The following SEL1L3 variants were observed in gnomAD, a reference collection of about 807,000 sequenced individuals.
The protein encoded by SEL1L3 is protein sel-1 homolog 3.
SEL1L3 carries 76 observed loss-of-function variants against 142.8 expected under a neutral mutation model. The ratio of observed to expected loss-of-function variants is 0.53; its 90% CI spans 0.44 to 0.64. The LOEUF is 0.64. Among genes scored for constraint, SEL1L3 ranks in the 30% least tolerant of loss-of-function variants. The probability of loss-of-function intolerance (pLI) is 0.00; values close to 1 mark genes in which losing one functional copy is unlikely to be tolerated. For missense variants in SEL1L3, 1,262 were observed against 1,381.7 expected, an observed-to-expected ratio of 0.91 and a Z score of 1.37; for synonymous variants, 504 against 519.6, an observed-to-expected ratio of 0.97 and a Z score of 0.41.
rs1713433706 is a variant in SEL1L3, at chr4:25,804,686, C to T, written c.1631G>A (p.Arg544Lys). The change falls in exon 10 of 24, where the codon AGA (arginine) becomes AAA (lysine). Residue 544 changes from arginine to lysine, a missense_variant. This residue lies in a region of SEL1L3 where 689 missense variants were observed against 692.8 expected (regional missense o/e 0.99). Coordinates refer to ENST00000399878, the MANE Select transcript of SEL1L3 (RefSeq NM_015187.5). ...GGKIFEKAVK[R>K]LSSIDGLHQI... ...GTGAAGACCATCAATGCTAGAGAGT[C>T]TCTTTACAGCCTTCTCAAATATCTT... 4 of 1,613,916 alleles carry T rather than the reference C, an allele frequency of 2.5e-6. No homozygotes were observed. Among genetic ancestry groups the T allele is most frequent in the Non-Finnish European group, 3.4e-6 (4 of 1,179,800 alleles).
intron 9 of SEL1L3, among the ~76,000 whole-genome samples, chr4:25,815,868 G>GT (rs1023322385): frequency 2.3e-5 from 2 of 85,738 alleles, no homozygotes; most frequent in Admixed American, 1.5e-4. Context: ...GAGGGATATT[G>GT]GGGGGGGTGC....
chr4:25,792,403 G>A (rs767610611), intron 11 of SEL1L3, among the ~76,000 whole-genome samples: 1 of 152,160 alleles, frequency 6.6e-6, no homozygotes, highest in Non-Finnish European at 1.5e-5. Context: ...CTAGTGAGAA[G>A]GTGCTGAAAT....
intron 17 of SEL1L3, among the ~76,000 whole-genome samples, chr4:25,771,431 T>C (rs1353958479): frequency 6.6e-6 from 1 of 152,244 alleles, no homozygotes; most frequent in Non-Finnish European, 1.5e-5. Context: ...TTTATAATGA[T>C]ACATCTTAAT....
intron 23 of SEL1L3, among the ~76,000 whole-genome samples, chr4:25,749,974 C>G (rs1344670899): frequency 6.6e-6 from 1 of 152,220 alleles, no homozygotes; most frequent in Non-Finnish European, 1.5e-5. Context: ...TGGCTCACGC[C>G]TGTAATCCCA....
chr4:25,809,624 G>C (rs927763517), intron 9 of SEL1L3, among the ~76,000 whole-genome samples: 1 of 151,838 alleles, frequency 6.6e-6, no homozygotes, highest in Admixed American at 6.6e-5. Context: ...TTTTCTCCCT[G>C]CCTTCTTCTT....
the SEL1L3 span, among the ~76,000 whole-genome samples, chr4:25,732,531 A>G: frequency 1.8e-4 from 28 of 152,160 alleles, no homozygotes; most frequent in African/African-American, 6.3e-4. Context: ...TAGCTATGAT[A>G]ATGGATATGT....
the SEL1L3 span, among the ~76,000 whole-genome samples, chr4:25,729,867 C>A: frequency 6.6e-6 from 1 of 152,220 alleles, no homozygotes; most frequent in South Asian, 2.1e-4. Context: ...AAATCAAGTT[C>A]TCCTTTATAA....
At chr4:25,722,624 C>CTTTTTTT in the SEL1L3 span, among the ~76,000 whole-genome samples, 181 of 103,668 alleles carry the variant, frequency 1.7e-3, 9 homozygotes, top group African/African-American at 6.4e-3. Flanking sequence ...CCAAAGGAGG[C>CTTTTTTT]TTTTTTTTTT....
chr4:25,750,805 A>T (rs573848680), intron 23 of SEL1L3, among the ~76,000 whole-genome samples: 62 of 152,334 alleles, frequency 4.1e-4, no homozygotes, highest in African/African-American at 1.3e-3. Context: ...AGGTTTAATT[A>T]ATCTTATACA....
intron 6 of SEL1L3, among the ~76,000 whole-genome samples, chr4:25,822,865 C>T (rs1714854033): frequency 1.3e-5 from 2 of 152,210 alleles, no homozygotes; most frequent in African/African-American, 4.8e-5. Context: ...ACCCCGGTGT[C>T]TGTCAGCGGG....
At chr4:25,815,141 G>A (rs893047526) in intron 9 of SEL1L3, among the ~76,000 whole-genome samples, 4 of 152,206 alleles carry the variant, frequency 2.6e-5, no homozygotes, top group Non-Finnish European at 4.4e-5. Flanking sequence ...TGTGGTGGCC[G>A]GGGAGGCTGG....
At chr4:25,754,290 G>T (rs190803504) in intron 23 of SEL1L3, among the ~76,000 whole-genome samples, 1 of 150,584 alleles carries the variant, frequency 6.6e-6, no homozygotes, top group African/African-American at 2.4e-5. Flanking sequence ...CAACAAGAGC[G>T]AAAGTCAATC....
the SEL1L3 span, among the ~76,000 whole-genome samples, chr4:25,723,600 G>C: frequency 1.3e-5 from 2 of 152,168 alleles, no homozygotes; most frequent in Admixed American, 6.5e-5. Context: ...TGCAATTGTG[G>C]TCATGTCAAT....
At chr4:25,784,404 T>C in intron 13 of SEL1L3, 114 bp from the exon 14 acceptor site, 1 of 815,038 alleles carries the variant, frequency 1.2e-6, no homozygotes. Context: ...ACTTTCTTCA[T>C]TTAAACCCAA....
At chr4:25,714,743 G>T in the SEL1L3 span, among the ~76,000 whole-genome samples, 159 of 151,674 alleles carry the variant, frequency 1.0e-3, 1 homozygote, top group African/African-American at 3.7e-3. Context: ...GCTAATTTTT[G>T]TATTTTTTAG....
At chr4:25,774,442 A>C (rs1442382526) in intron 17 of SEL1L3, among the ~76,000 whole-genome samples, 1 of 152,140 alleles carries the variant, frequency 6.6e-6, no homozygotes, top group Non-Finnish European at 1.5e-5. Context: ...CAACCAACCA[A>C]CCACCCAAAC....
the SEL1L3 span, among the ~76,000 whole-genome samples, chr4:25,726,283 A>G: frequency 3.3e-5 from 5 of 151,860 alleles, no homozygotes; most frequent in African/African-American, 1.2e-4. Flanking sequence ...TAATCCCAGC[A>G]CTTTGTGAGG....
In SEL1L3 at chr4:25,847,884, A is replaced by T. The variant is rs766272388; in HGVS notation, c.163-20T>A. The T allele has an allele frequency of 1.5e-5, 22 of 1,425,136 alleles. No individual in the cohort carries two copies. Among genetic ancestry groups the T allele is most frequent in the Middle Eastern group, 3.6e-4 (2 of 5,496 alleles). 88.3% of individuals were successfully genotyped at this position (1,425,136 alleles called of 1,614,324 possible). ...AACATTCTGAAAAAAAGAAAAAGAA[A>T]GTAAGAAATACAGAAAGTTTAAAAA... On this transcript the variant is annotated intron_variant, in intron 1 of 23. Transcript: ENST00000399878.
chr4:25,827,335 AAT>A (rs1715158743), intron 6 of SEL1L3, among the ~76,000 whole-genome samples: 1 of 152,174 alleles, frequency 6.6e-6, no homozygotes, highest in Non-Finnish European at 1.5e-5. Context: ...CCCCTAACCC[AAT>A]ATGACTGACA....
Sources: allele counts gnomAD v4.1 joint callset (sites outside exome capture counted in the v4.1 genomes callset), GRCh38; gene constraint gnomAD v4.1.1; regional missense constraint gnomAD v4.1.1; transcripts MANE v1.5; gene names NCBI Gene and HGNC (gene_info 2026-07-23, HGNC 2026-07-21).